Variants in CHIC2 observed in about 807,000 individuals in gnomAD.
CHIC2 encodes cysteine-rich hydrophobic domain-containing protein 2.
In CHIC2, 14 loss-of-function variants were observed where a neutral mutation model predicts 25.9. The observed-to-expected ratio is 0.54, with a 90% CI of 0.36 to 0.85. The LOEUF is 0.85. Among genes scored for constraint, CHIC2 ranks in the 40% least tolerant of loss-of-function variants. The probability of loss-of-function intolerance (pLI) is 0.01; values close to 1 mark genes in which losing one functional copy is unlikely to be tolerated. For missense variants in CHIC2, 146 were observed against 202.0 expected (o/e 0.72, Z 1.68); for synonymous variants, 70 against 72.0 (o/e 0.97, Z 0.14).
chr4:54,066,895 C>T (rs746378442), upstream of CHIC2, among the ~76,000 whole-genome samples: 1 of 152,186 alleles, frequency 6.6e-6, no homozygotes, highest in African/African-American at 2.4e-5. Context: ...GCTGAGAATT[C>T]ACCCTTATGT....
intron 3 of CHIC2, among the ~76,000 whole-genome samples, chr4:54,043,689 C>G (rs991241101): frequency 2.0e-5 from 3 of 152,220 alleles, no homozygotes; most frequent in Admixed American, 6.5e-5. Context: ...GTACCAGCCA[C>G]TGCAAAAACA....
At chr4:54,029,555 C>T (rs766418164) in intron 3 of CHIC2, among the ~76,000 whole-genome samples, 2 of 152,208 alleles carry the variant, frequency 1.3e-5, no homozygotes, top group Non-Finnish European at 2.9e-5. Context: ...TCCTTGTTCA[C>T]TAGAAATTAC....
intron 3 of CHIC2, among the ~76,000 whole-genome samples, chr4:54,029,627 T>C (rs1716162897): frequency 6.6e-6 from 1 of 152,208 alleles, no homozygotes; most frequent in Non-Finnish European, 1.5e-5. Context: ...CTTGTTGCAA[T>C]ATCTGTATTA....
rs1577991625 is a variant in CHIC2 at position 54,064,104 on chromosome 4, G to C, written c.119+78C>G. The C allele has an allele frequency of 2.2e-5, 11 of 510,156 alleles. No individual in the cohort carries two copies. The highest frequency in any genetic ancestry group is 2.8e-5 in the Non-Finnish European group (10 of 360,228). 31.6% of individuals were successfully genotyped at this position (510,156 alleles called of 1,614,324 possible). Reference sequence around the variant, plus strand: ...AGGCCCCCGACACCAGACGGACACAGGGGAAACGGGGCTCCCGTGGAGTAA... The same window carrying C: ...AGGCCCCCGACACCAGACGGACACACGGGAAACGGGGCTCCCGTGGAGTAA... On this transcript the variant is annotated intron_variant, in intron 1 of 5. Transcript: ENST00000263921. This position sits in a 1 kb window ranked among gnomAD's most constrained non-coding sequence, Gnocchi z 4.2.
chr4:54,042,124 C>T (rs1716597005), intron 3 of CHIC2, among the ~76,000 whole-genome samples: 2 of 152,026 alleles, frequency 1.3e-5, no homozygotes, highest in Admixed American at 6.6e-5. Flanking sequence ...TCACTCTTAC[C>T]ATGGTTATGT....
the CHIC2 span, among the ~76,000 whole-genome samples, chr4:54,077,966 T>C: frequency 2.6e-5 from 4 of 152,362 alleles, no homozygotes; most frequent in East Asian, 7.7e-4. Flanking sequence ...GGTTCTATTC[T>C]GCCCTGCCTG....
chr4:54,035,617 T>C (rs377668473), intron 3 of CHIC2, among the ~76,000 whole-genome samples: 1 of 152,208 alleles, frequency 6.6e-6, no homozygotes, highest in South Asian at 2.1e-4. Flanking sequence ...TCTTTCTTTC[T>C]CTTTTCCCCA....
At chr4:54,034,583 A>C (rs948529065) in intron 3 of CHIC2, among the ~76,000 whole-genome samples, 7 of 151,510 alleles carry the variant, frequency 4.6e-5, no homozygotes, top group Non-Finnish European at 8.8e-5. Context: ...ATTGTTTTTC[A>C]TTTTAATTTT....
intron 1 of CHIC2, among the ~76,000 whole-genome samples, chr4:54,062,402 C>A (rs192427711): frequency 6.6e-6 from 1 of 151,856 alleles, no homozygotes; most frequent in African/African-American, 2.4e-5. Flanking sequence ...AGTATTTGGC[C>A]TTCAACTGGC....
chr4:54,041,800 G>A (rs1326472705), intron 3 of CHIC2, among the ~76,000 whole-genome samples: 1 of 151,840 alleles, frequency 6.6e-6, no homozygotes, highest in Non-Finnish European at 1.5e-5. Flanking sequence ...AGGATTTATG[G>A]CAAATAAAAC....
chr4:54,083,018 C>T, the CHIC2 span, among the ~76,000 whole-genome samples: 19 of 67,894 alleles, frequency 2.8e-4, no homozygotes, highest in African/African-American at 3.9e-4. Flanking sequence ...TTCTTTCTTT[C>T]TTTTTTTTTT....
intron 3 of CHIC2, among the ~76,000 whole-genome samples, chr4:54,034,959 T>C (rs904734561): frequency 6.6e-6 from 1 of 152,224 alleles, no homozygotes; most frequent in Non-Finnish European, 1.5e-5. Context: ...CTGGATTTTG[T>C]CAAATGCTTT....
At chr4:54,011,434 T>C (rs981276121) in intron 5 of CHIC2, among the ~76,000 whole-genome samples, 4 of 152,176 alleles carry the variant, frequency 2.6e-5, no homozygotes, top group Admixed American at 2.0e-4. Flanking sequence ...GAGCTAGATT[T>C]TCCTGTTTCT....
chr4:54,089,010 C>T, the CHIC2 span, among the ~76,000 whole-genome samples: 1 of 152,242 alleles, frequency 6.6e-6, no homozygotes, highest in East Asian at 1.9e-4. Context: ...TTCTCTTCTC[C>T]TAGTTTCCAG....
At chr4:54,032,636 T>C (rs1430323767) in intron 3 of CHIC2, among the ~76,000 whole-genome samples, 1 of 152,092 alleles carries the variant, frequency 6.6e-6, no homozygotes, top group African/African-American at 2.4e-5. Context: ...TGAAAATTTA[T>C]ATACCTAATT....
intron 3 of CHIC2, among the ~76,000 whole-genome samples, chr4:54,034,195 G>A (rs1176390150): frequency 6.6e-6 from 1 of 151,930 alleles, no homozygotes; most frequent in East Asian, 1.9e-4. Flanking sequence ...ACCTCAGGTC[G>A]GGGGTTCGAG....
chr4:54,022,068 G>A (rs1715916374), intron 3 of CHIC2, among the ~76,000 whole-genome samples: 2 of 152,090 alleles, frequency 1.3e-5, no homozygotes, highest in Non-Finnish European at 2.9e-5. Flanking sequence ...TCTTCCCCAG[G>A]AGCTTGCTTC....
intron 1 of CHIC2, among the ~76,000 whole-genome samples, chr4:54,056,288 A>C (rs1268986868): frequency 6.6e-6 from 1 of 152,154 alleles, no homozygotes; most frequent in East Asian, 1.9e-4. Flanking sequence ...CAACTTTTAA[A>C]TTTTCTGAAC....
intron 3 of CHIC2, among the ~76,000 whole-genome samples, chr4:54,047,000 A>G: frequency 6.6e-6 from 1 of 152,244 alleles, no homozygotes; most frequent in Non-Finnish European, 1.5e-5. Flanking sequence ...ATATGAACAG[A>G]CACTTCTCAA....
Sources: allele counts gnomAD v4.1 joint callset (sites outside exome capture counted in the v4.1 genomes callset), GRCh38; gene constraint gnomAD v4.1.1; non-coding constraint Gnocchi (gnomAD v3.1); transcripts MANE v1.5; gene names NCBI Gene and HGNC (gene_info 2026-07-23, HGNC 2026-07-21).